PTPRD: variants seen among roughly 807,000 people sequenced by gnomAD.
The protein encoded by PTPRD is receptor-type tyrosine-protein phosphatase delta.
In PTPRD, 34 loss-of-function variants were observed where a neutral mutation model predicts 214.5. The observed-to-expected ratio is 0.16, with a 90% CI of 0.12 to 0.21. The LOEUF is 0.21. Among genes scored for constraint, PTPRD ranks in the 10% least tolerant of loss-of-function variants. The probability of loss-of-function intolerance (pLI) is 1.00; values close to 1 mark genes in which losing one functional copy is unlikely to be tolerated. For synonymous variants in PTPRD, 1,128 were observed against 845.7 expected (o/e 1.33, Z -5.79); for missense variants, 2,545 against 2,398.7 (o/e 1.06, Z -1.27).
chr9:9,180,426 A>G (rs977136358), intron 10 of PTPRD, among the ~76,000 whole-genome samples: 11 of 126,250 alleles, frequency 8.7e-5, no homozygotes, highest in East Asian at 2.5e-4. Context: ...GAAGGGGAAC[A>G]TCACACAGTG....
chr9:9,268,076 A>C (rs1484281360), intron 9 of PTPRD, among the ~76,000 whole-genome samples: 1 of 151,114 alleles, frequency 6.6e-6, no homozygotes, highest in African/African-American at 2.4e-5. Flanking sequence ...CAAAAGAAAA[A>C]ATTGTCTCTG....
At chr9:9,762,066 C>T (rs763036210) in intron 6 of PTPRD, among the ~76,000 whole-genome samples, 12 of 152,104 alleles carry the variant, frequency 7.9e-5, no homozygotes, top group Non-Finnish European at 1.2e-4. Flanking sequence ...GGCCAGTGTC[C>T]GAATCCCAAG....
intron 3 of PTPRD, among the ~76,000 whole-genome samples, chr9:10,133,954 CT>C (rs897921423): frequency 2.6e-4 from 39 of 152,146 alleles, no homozygotes; most frequent in African/African-American, 8.2e-4. Flanking sequence ...ATATTACATA[CT>C]TTTTTTCATT....
intron 35 of PTPRD, among the ~76,000 whole-genome samples, chr9:8,420,778 G>C (rs960218641): frequency 2.7e-5 from 4 of 150,896 alleles, no homozygotes; most frequent in African/African-American, 9.7e-5. Flanking sequence ...TTAGCTTTGA[G>C]ACATGAATAC....
intron 2 of PTPRD, among the ~76,000 whole-genome samples, chr9:10,510,394 G>A (rs1328539038): frequency 6.6e-6 from 1 of 151,998 alleles, no homozygotes; most frequent in Non-Finnish European, 1.5e-5. Context: ...GTCACATATA[G>A]AACAGTTCCC....
chr9:9,876,051 G>T (rs2066763860), intron 5 of PTPRD, among the ~76,000 whole-genome samples: 1 of 152,034 alleles, frequency 6.6e-6, no homozygotes, highest in African/African-American at 2.4e-5. Flanking sequence ...AAAGAAGGAA[G>T]GAATAAAGGA....
At chr9:8,370,661 A>G (rs1180748625) in intron 39 of PTPRD, among the ~76,000 whole-genome samples, 4 of 152,046 alleles carry the variant, frequency 2.6e-5, no homozygotes, top group Non-Finnish European at 5.9e-5. Context: ...GTGGTATGGA[A>G]TCAGAAAGGA....
At chr9:8,328,510 C>T (rs1836340094) in intron 44 of PTPRD, among the ~76,000 whole-genome samples, 1 of 152,054 alleles carries the variant, frequency 6.6e-6, no homozygotes, top group African/African-American at 2.4e-5. Context: ...TGGGGTTGCT[C>T]TTCTCGAAGA....
At chr9:8,615,815 C>T (rs752207709) in intron 14 of PTPRD, among the ~76,000 whole-genome samples, 2 of 151,908 alleles carry the variant, frequency 1.3e-5, no homozygotes, top group African/African-American at 2.4e-5. Context: ...TAATAATTTC[C>T]GTCCCTTTCT....
intron 8 of PTPRD, among the ~76,000 whole-genome samples, chr9:9,447,795 G>A (rs1358777196): frequency 2.0e-5 from 3 of 152,076 alleles, no homozygotes; most frequent in African/African-American, 4.8e-5. Context: ...ATGGAAGAAC[G>A]CTGTTCTAGG....
At chr9:10,130,731 G>A (rs1453458267) in intron 3 of PTPRD, among the ~76,000 whole-genome samples, 1 of 151,916 alleles carries the variant, frequency 6.6e-6, no homozygotes, top group Admixed American at 6.6e-5. Flanking sequence ...AACAAGAAAG[G>A]GTATTATGCT....
At chr9:9,426,787 G>A (rs1457651123) in intron 8 of PTPRD, among the ~76,000 whole-genome samples, 1 of 152,146 alleles carries the variant, frequency 6.6e-6, no homozygotes, top group Non-Finnish European at 1.5e-5. Flanking sequence ...GTGATACCCA[G>A]GCAAACAGGG....
At chr9:10,176,255 T>A (rs1288377110) in intron 3 of PTPRD, among the ~76,000 whole-genome samples, 1 of 151,968 alleles carries the variant, frequency 6.6e-6, no homozygotes, top group Non-Finnish European at 1.5e-5. Context: ...ATAAATTTTT[T>A]TTCAACTCAA....
At position 8,839,300 on chromosome 9, in the gene PTPRD, T is replaced by TTTTATTTATTTG. The variant is rs1389844462; in HGVS notation, c.-103-105355_-103-105354insCAAATAAATAAA. On this transcript the variant is annotated intron_variant, in intron 11 of 45. Coordinates refer to ENST00000381196, the MANE Select transcript of PTPRD (RefSeq NM_002839.4). ...ATAATTTTCAGATTGACCAAGGGGA[T>TTTTATTTATTTG]TTTATTTATTTATTTATTTATTTAT... Among the ~76,000 whole-genome samples, 1,340 of 150,424 alleles carry TTTTATTTATTTG rather than the reference T, an allele frequency of 8.9e-3. 18 individuals are homozygous for TTTTATTTATTTG. The highest frequency in any genetic ancestry group is 0.031 in the African/African-American group (1,275 of 41,042).
At chr9:9,451,118 A>G (rs1357124085) in intron 8 of PTPRD, among the ~76,000 whole-genome samples, 1 of 151,760 alleles carries the variant, frequency 6.6e-6, no homozygotes, top group Non-Finnish European at 1.5e-5. Flanking sequence ...AGTCAGCATT[A>G]CCCTCTCTAA....
At chr9:8,803,161 A>G (rs1021922007) in intron 11 of PTPRD, among the ~76,000 whole-genome samples, 4 of 152,324 alleles carry the variant, frequency 2.6e-5, no homozygotes, top group Admixed American at 2.0e-4. Flanking sequence ...CAATTGACAC[A>G]TAGTCATCTT....
At chr9:8,987,234 G>C (rs1399686695) in intron 11 of PTPRD, among the ~76,000 whole-genome samples, 1 of 152,084 alleles carries the variant, frequency 6.6e-6, no homozygotes, top group Non-Finnish European at 1.5e-5. Flanking sequence ...CACCAGATGT[G>C]AGACGATTGG....
intron 3 of PTPRD, among the ~76,000 whole-genome samples, chr9:10,082,842 C>CACAA (rs1555566928): frequency 1.7e-5 from 2 of 117,608 alleles, no homozygotes; most frequent in African/African-American, 7.2e-5. Flanking sequence ...CACACACAAA[C>CACAA]ACACACACAC....
intron 6 of PTPRD, among the ~76,000 whole-genome samples, chr9:9,764,606 A>G (rs1035256492): frequency 6.6e-6 from 1 of 152,236 alleles, no homozygotes; most frequent in African/African-American, 2.4e-5. Context: ...AATGGAAAAA[A>G]GTAAAATCAT....
Sources: allele counts gnomAD v4.1 joint callset (sites outside exome capture counted in the v4.1 genomes callset), GRCh38; gene constraint gnomAD v4.1.1; transcripts MANE v1.5; gene names NCBI Gene and HGNC (gene_info 2026-07-23, HGNC 2026-07-21).